The following SMG6 variants were observed in gnomAD, a reference collection of about 807,000 sequenced individuals.
SMG6 encodes the protein SMG6 nonsense mediated mRNA decay factor.
SMG6 carries 66 observed loss-of-function variants against 142.2 expected under a neutral mutation model. The ratio of observed to expected loss-of-function variants is 0.46; its 90% CI spans 0.38 to 0.57. SMG6 has a LOEUF of 0.57. Among genes scored for constraint, SMG6 ranks in the 20% least tolerant of loss-of-function variants. The probability of loss-of-function intolerance (pLI) is 0.00; values close to 1 mark genes in which losing one functional copy is unlikely to be tolerated. For synonymous variants in SMG6, 779 were observed against 702.4 expected, an observed-to-expected ratio of 1.11 and a Z score of -1.72; for missense variants, 1,793 against 1,832.0, an observed-to-expected ratio of 0.98 and a Z score of 0.39.
intron 13 of SMG6, among the ~76,000 whole-genome samples, chr17:2,099,046 GTGTT>G (rs1023786173): frequency 8.5e-5 from 13 of 152,144 alleles, no homozygotes; most frequent in Admixed American, 5.9e-4. Context: ...ACTAGTGTGT[GTGTT>G]TGTGTGTGTG....
chr17:2,252,326 G>T (rs1358807097), intron 8 of SMG6, among the ~76,000 whole-genome samples: 2 of 152,000 alleles, frequency 1.3e-5, no homozygotes, highest in African/African-American at 4.8e-5. Context: ...CTTGAACCTG[G>T]GAGGTGGAGA....
chr17:2,253,788 A>T (rs1451861461), intron 8 of SMG6, among the ~76,000 whole-genome samples: 2 of 152,164 alleles, frequency 1.3e-5, no homozygotes, highest in African/African-American at 4.8e-5. Context: ...TGATAGCACA[A>T]GTGACACCAA....
intron 6 of SMG6, among the ~76,000 whole-genome samples, chr17:2,285,997 G>C (rs915867713): frequency 6.6e-6 from 1 of 151,856 alleles, no homozygotes; most frequent in South Asian, 2.1e-4. Flanking sequence ...AAAAAATAGA[G>C]AGAAAGACAG....
intron 15 of SMG6, among the ~76,000 whole-genome samples, chr17:2,079,478 C>A (rs891391083): frequency 2.6e-5 from 4 of 151,304 alleles, no homozygotes; most frequent in African/African-American, 9.7e-5. Context: ...ACGAAAAATA[C>A]AAAAAAAATT....
At chr17:2,208,706 G>A (rs759328665) in intron 10 of SMG6, among the ~76,000 whole-genome samples, 4 of 152,214 alleles carry the variant, frequency 2.6e-5, no homozygotes, top group Non-Finnish European at 4.4e-5. Context: ...ACTTGCTTAT[G>A]CTATCAACTA....
chr17:2,068,431 C>T lies in SMG6; in HGVS notation c.3835+347G>A, dbSNP rs1166120631. On this transcript the variant is annotated intron_variant, in intron 16 of 18. Transcript: ENST00000263073. The surrounding 1 kb of genome is among the most constrained non-coding windows in gnomAD (Gnocchi z 6.7). ...CTGCCAGACCACCCAGCAGCACTGC[C>T]GTTATCTGCCAGGGCTGAGTGTTTA... is the stretch of plus-strand genomic sequence containing the variant. Among the ~76,000 whole-genome samples the T allele has an allele frequency of 1.3e-5, 2 of 152,206 alleles. No homozygotes were observed. The highest frequency in any genetic ancestry group is 2.4e-5 in the African/African-American group (1 of 41,454).
chr17:2,143,222 T>C (rs79930155), intron 13 of SMG6, among the ~76,000 whole-genome samples: 19 of 152,320 alleles, frequency 1.2e-4, no homozygotes, highest in Non-Finnish European at 2.2e-4. Flanking sequence ...ATACTACTTC[T>C]AGGTATATAT....
At position 2,299,905 on chromosome 17, in the gene SMG6, T is replaced by G. The variant is rs756037345; in HGVS notation, c.848A>C (p.Gln283Pro). 2 of 1,614,200 alleles carry G rather than the reference T, an allele frequency of 1.2e-6. No homozygotes were observed. Among genetic ancestry groups the G allele is most frequent in the Non-Finnish European group, 1.7e-6 (2 of 1,180,034 alleles). ...LTDNGCRRRR[Q>P]DRTKERPRLK... is the part of the protein sequence containing the mutation. ...TCGTGGCCTCTCCTTGGTCCTATCC[T>G]GTCGGCGGCGGCGACATCCATTATC... is the stretch of plus-strand genomic sequence containing the variant. Residue 283 changes from glutamine (Q) to proline (P), a missense_variant, in exon 2 of 19, where the codon CAG becomes CCG. Physicochemically the swap from Gln to Pro is moderately conservative, Grantham distance 76. This residue lies in a region of SMG6 where 1,597 missense variants were observed against 1,584.6 expected (regional missense o/e 1.01). Coordinates refer to ENST00000263073, the MANE Select transcript of SMG6 (RefSeq NM_017575.5). This position sits in a 1 kb window ranked among gnomAD's most constrained non-coding sequence, Gnocchi z 4.3.
At chr17:2,287,208 T>TG (rs1301702778) in intron 6 of SMG6, among the ~76,000 whole-genome samples, 2 of 152,142 alleles carry the variant, frequency 1.3e-5, no homozygotes, top group African/African-American at 4.8e-5. Context: ...CGTGAGCCAC[T>TG]GGGCCCGGCT....
At chr17:2,088,273 A>C (rs1426926020) in intron 13 of SMG6, 2 of 985,412 alleles carry the variant, frequency 2.0e-6, no homozygotes, top group South Asian at 4.7e-5. Flanking sequence ...GAGAAAAGCC[A>C]CATGTGTGGA....
At chr17:2,130,747 T>TA (rs370855097) in intron 13 of SMG6, among the ~76,000 whole-genome samples, 13,146 of 142,926 alleles carry the variant, frequency 0.092, 772 homozygotes, top group Middle Eastern at 0.14. Flanking sequence ...TCAAGTGGTT[T>TA]AAAAAAAAAA....
At chr17:2,242,245 G>A (rs767976726) in intron 9 of SMG6, among the ~76,000 whole-genome samples, 1 of 151,870 alleles carries the variant, frequency 6.6e-6, no homozygotes, top group Non-Finnish European at 1.5e-5. Flanking sequence ...GGGCGCGGTG[G>A]CTCACACCTG....
intron 12 of SMG6, among the ~76,000 whole-genome samples, chr17:2,184,959 T>TAAAA (rs1567666470): frequency 2.0e-4 from 1 of 5,122 alleles, no homozygotes; most frequent in East Asian, 0.023. Context: ...GGACTCCATC[T>TAAAA]CAAAAAAAAA....
intron 13 of SMG6, chr17:2,122,357 A>C (rs2069728417): frequency 6.6e-6 from 1 of 152,174 alleles, no homozygotes; most frequent in African/African-American, 2.4e-5. Flanking sequence ...GAAGCAGTGG[A>C]CCTAGTCAGA....
rs548418219 is a variant in SMG6, at chr17:2,070,014, A to G, written c.3682-1083T>C. Among the ~76,000 whole-genome samples, 3 of 152,290 alleles carry G rather than the reference A, an allele frequency of 2.0e-5. No homozygotes were observed. In the South Asian group the frequency reaches 6.2e-4, roughly 32 times the overall value. On this transcript the variant is annotated intron_variant, in intron 15 of 18. Coordinates refer to ENST00000263073, the MANE Select transcript of SMG6 (RefSeq NM_017575.5). ...CTAGTGCAAGCTAAACTGCCAAACA[A>G]AAAGTAGACAAAAGAATAAAAGCAG...
chr17:2,289,616 C>T (rs1181762793), intron 6 of SMG6, among the ~76,000 whole-genome samples: 2 of 151,948 alleles, frequency 1.3e-5, no homozygotes, highest in Non-Finnish European at 2.9e-5. Flanking sequence ...GAGTATTTTA[C>T]AATTAAAATT....
intron 10 of SMG6, among the ~76,000 whole-genome samples, chr17:2,201,458 CT>C (rs1342363147): frequency 2.0e-5 from 3 of 152,146 alleles, no homozygotes. Flanking sequence ...CTTTAGAAGG[CT>C]GAGGTGTGTG....
chr17:2,162,130 T>C (rs1409292347), intron 13 of SMG6, among the ~76,000 whole-genome samples: 2 of 152,188 alleles, frequency 1.3e-5, no homozygotes, highest in African/African-American at 4.8e-5. Flanking sequence ...AAATTCATGT[T>C]ATAGGTAAAC....
chr17:2,195,716 C>T (rs1221386919), intron 10 of SMG6, among the ~76,000 whole-genome samples: 1 of 152,126 alleles, frequency 6.6e-6, no homozygotes, highest in East Asian at 1.9e-4. Context: ...TATCTCAAAG[C>T]TTTACAAAAG....
Sources: allele counts gnomAD v4.1 joint callset (sites outside exome capture counted in the v4.1 genomes callset), GRCh38; gene constraint gnomAD v4.1.1; regional missense constraint gnomAD v4.1.1; non-coding constraint Gnocchi (gnomAD v3.1); transcripts MANE v1.5; gene names NCBI Gene and HGNC (gene_info 2026-07-23, HGNC 2026-07-21).